The following TMEM204 variants were observed in gnomAD, a reference collection of about 807,000 sequenced individuals.
The protein encoded by TMEM204 is transmembrane protein 204.
TMEM204 carries 15 observed loss-of-function variants against 19.4 expected under a neutral mutation model. The ratio of observed to expected loss-of-function variants is 0.77; its 90% CI spans 0.52 to 1.19. The LOEUF is 1.19. Among genes scored for constraint, TMEM204 ranks in the 50% most tolerant of loss-of-function variants. The probability of loss-of-function intolerance (pLI) is 0.00; values close to 1 mark genes in which losing one functional copy is unlikely to be tolerated. For synonymous variants in TMEM204, 161 were observed against 146.0 expected, an observed-to-expected ratio of 1.10 and a Z score of -0.74; for missense variants, 287 against 321.2, an observed-to-expected ratio of 0.89 and a Z score of 0.81.
intron 2 of TMEM204, among the ~76,000 whole-genome samples, chr16:1,550,253 A>G (rs532723557): frequency 6.6e-6 from 1 of 152,262 alleles, no homozygotes; most frequent in Non-Finnish European, 1.5e-5. Flanking sequence ...CGTCTTCTAT[A>G]TTTAGAAACA....
intron 2 of TMEM204, among the ~76,000 whole-genome samples, chr16:1,546,838 A>G (rs1016345446): frequency 3.3e-5 from 5 of 152,180 alleles, no homozygotes; most frequent in Non-Finnish European, 5.9e-5. Context: ...GGGTTGAGTC[A>G]TATCTTCAAT....
rs551802553 is a variant in TMEM204, at chr16:1,541,013, G to A, written c.281-908G>A. On this transcript the variant is annotated intron_variant, in intron 1 of 2. Transcript: ENST00000566264. ...GGCCCCTGTGTAAGGTTTTATTTGC[G>A]GGAGAACATTTCTCTGCTACAGAAA... is the stretch of plus-strand genomic sequence containing the variant. 2.5e-4 allele frequency: 243 copies of A among 985,374 alleles called. No homozygotes were observed. The African/African-American group carries it at 4.0e-3, about 16-fold the overall frequency. The allele number at this position is 985,374 out of a possible 1,614,324, so 61.0% of individuals were successfully genotyped here. A position where few individuals can be genotyped will look rare whatever the true frequency, so the allele number is the denominator to read the frequency against.
intron 2 of TMEM204, among the ~76,000 whole-genome samples, chr16:1,545,234 G>A (rs965468188): frequency 2.0e-5 from 3 of 152,116 alleles, no homozygotes; most frequent in East Asian, 1.9e-4. Context: ...GCTCCAACAC[G>A]ACCTCTGACA....
chr16:1,539,940 C>T (rs766428861), intron 1 of TMEM204, among the ~76,000 whole-genome samples: 43 of 152,312 alleles, frequency 2.8e-4, no homozygotes, highest in African/African-American at 8.4e-4. Flanking sequence ...GGGCTGGGGG[C>T]GCCACCCAGG....
Position 1,553,693 on chromosome 16 carries a change from G to A in TMEM204, c.437-1089G>A. On this transcript the variant is annotated intron_variant, in intron 2 of 2. Coordinates refer to ENST00000566264, the MANE Select transcript of TMEM204 (RefSeq NM_024600.6). The surrounding 1 kb of genome is among the most constrained non-coding windows in gnomAD (Gnocchi z 4.4). ...GCGGGGCTGGGGCTGAAGGCTGGCT[G>A]GAGGCCCCATGGCCTCCAGGACAAT... 1 of 1,074,846 alleles carries A rather than the reference G, an allele frequency of 9.3e-7. No homozygotes were observed. Among genetic ancestry groups the A allele is most frequent in the Non-Finnish European group, 1.1e-6 (1 of 879,806 alleles). The allele number at this position is 1,074,846 out of a possible 1,614,324, so 66.6% of individuals were successfully genotyped here.
At chr16:1,543,117 C>T (rs2031807973) in intron 2 of TMEM204, among the ~76,000 whole-genome samples, 1 of 152,198 alleles carries the variant, frequency 6.6e-6, no homozygotes, top group African/African-American at 2.4e-5. Context: ...GCCCGGTGCC[C>T]GCAGAGACAG....
chr16:1,552,237 C>T (rs187661764), intron 2 of TMEM204, among the ~76,000 whole-genome samples: 7 of 152,286 alleles, frequency 4.6e-5, no homozygotes, highest in East Asian at 1.9e-4. Context: ...CAGTTACTGC[C>T]GGTATAACCT....
chr16:1,551,772 G>GTCCGGCAGA lies in TMEM204; in HGVS notation c.437-3002_437-2994dup, dbSNP rs2032659519. Among the ~76,000 whole-genome samples the GTCCGGCAGA allele has an allele frequency of 6.6e-6, 1 of 152,184 alleles. No individual in the cohort carries two copies. Among genetic ancestry groups the GTCCGGCAGA allele is most frequent in the Non-Finnish European group, 1.5e-5 (1 of 68,034 alleles). On this transcript the variant is annotated intron_variant, in intron 2 of 2. Transcript: ENST00000566264. The surrounding 1 kb of genome is among the most constrained non-coding windows in gnomAD (Gnocchi z 4.0). The stretch of plus-strand genomic sequence containing the variant: ...AAGGAGGCCACACCACACGTGCGTG[G>GTCCGGCAGA]TCCGGCAGATCCGGCAAGATCAACT...
At chr16:1,544,794 A>G (rs375347647) in intron 2 of TMEM204, among the ~76,000 whole-genome samples, 182 of 149,564 alleles carry the variant, frequency 1.2e-3, no homozygotes, top group East Asian at 6.7e-3. Context: ...GACTACAGGC[A>G]CCCGCCACCA....
At chr16:1,546,486 G>A (rs770071858) in intron 2 of TMEM204, among the ~76,000 whole-genome samples, 5 of 152,178 alleles carry the variant, frequency 3.3e-5, no homozygotes, top group Non-Finnish European at 5.9e-5. Context: ...CCACTCCAGC[G>A]CACAGATGTG....
At chr16:1,536,054 T>C (rs2141247809) in intron 1 of TMEM204, among the ~76,000 whole-genome samples, 1 of 152,324 alleles carries the variant, frequency 6.6e-6, no homozygotes, top group South Asian at 2.1e-4. Context: ...GGCGCTCATG[T>C]GCTTTGGGAC....
At chr16:1,542,108 C>T in intron 2 of TMEM204, 32 bp downstream of exon 2, 2 of 1,548,956 alleles carry the variant, frequency 1.3e-6, no homozygotes. Flanking sequence ...GCCACCGCGC[C>T]CTTGCCCCCT....
chr16:1,545,430 C>G (rs900218447), intron 2 of TMEM204, among the ~76,000 whole-genome samples: 1 of 152,208 alleles, frequency 6.6e-6, no homozygotes, highest in African/African-American at 2.4e-5. Flanking sequence ...GCATTTTGGC[C>G]CTGTTTAGAC....
At chr16:1,541,125 A>C in intron 1 of TMEM204, 1 of 985,432 alleles carries the variant, frequency 1.0e-6, no homozygotes, top group South Asian at 4.7e-5. Context: ...CTGACCACGC[A>C]TCCATGTGCC....
At position 1,554,104 on chromosome 16, in the gene TMEM204, G is replaced by A. The variant is rs996650260; in HGVS notation, c.437-678G>A. On this transcript the variant is annotated intron_variant, in intron 2 of 2. Coordinates refer to ENST00000566264, the MANE Select transcript of TMEM204 (RefSeq NM_024600.6). The stretch of plus-strand genomic sequence containing the variant: ...AGGGAGGAGGGAGGGTCTAGAACGA[G>A]AAGCACTGACTCGGAAGTGAGGGAA... The A allele has an allele frequency of 2.3e-6, 3 of 1,287,080 alleles. No homozygotes were observed. The African/African-American group carries it at 4.6e-5, about 20-fold the overall frequency. 79.7% of individuals were successfully genotyped at this position (1,287,080 alleles called of 1,614,324 possible).
At chr16:1,529,320 T>C (rs924274362), upstream of TMEM204, among the ~76,000 whole-genome samples, 1 of 152,112 alleles carries the variant, frequency 6.6e-6, no homozygotes. Flanking sequence ...GTGCCAAGCG[T>C]CTGGGGGGCC....
intron 2 of TMEM204, 69 bp from the exon 3 acceptor site, chr16:1,554,713 A>G: frequency 6.3e-7 from 1 of 1,584,808 alleles, no homozygotes; most frequent in Non-Finnish European, 8.6e-7. Flanking sequence ...TCTAGGACAG[A>G]GGGCTGGGGA....
chr16:1,530,959 G>A (rs369920776), upstream of TMEM204: 11 of 152,318 alleles, frequency 7.2e-5, no homozygotes, highest in African/African-American at 2.2e-4. Flanking sequence ...CGAGGCTGCT[G>A]GGAGAACCCA....
intron 1 of TMEM204, among the ~76,000 whole-genome samples, chr16:1,538,369 C>A (rs1026451301): frequency 6.6e-6 from 1 of 152,158 alleles, no homozygotes; most frequent in South Asian, 2.1e-4. Context: ...GTCAGGGGTG[C>A]GTCTGCTTAT....
Sources: gnomAD v4.1 joint callset for allele counts (sites outside exome capture counted in the v4.1 genomes callset) on GRCh38, gnomAD v4.1.1 for gene constraint, Gnocchi (gnomAD v3.1) non-coding constraint, MANE v1.5 for transcripts, NCBI Gene and HGNC (gene_info 2026-07-23, HGNC 2026-07-21) for gene names.